Variants in MRPS5 observed in about 807,000 individuals in gnomAD.
MRPS5 encodes the protein small ribosomal subunit protein uS5m.
MRPS5 carries 27 observed loss-of-function variants against 51.9 expected under a neutral mutation model. That is an observed-to-expected ratio of 0.52 (90% CI 0.38 to 0.72). The LOEUF (loss-of-function observed/expected upper bound fraction) is 0.72. Among genes scored for constraint, MRPS5 ranks in the 30% least tolerant of loss-of-function variants. The probability of loss-of-function intolerance (pLI) is 0.00; values close to 1 mark genes in which losing one functional copy is unlikely to be tolerated. For missense variants in MRPS5, 570 were observed against 545.7 expected (o/e 1.04, Z -0.44); for synonymous variants, 196 against 193.2 (o/e 1.01, Z -0.12).
chr2:95,115,232 T>C, intron 2 of MRPS5, 29 bp from the exon 3 acceptor site: 2 of 1,519,954 alleles, frequency 1.3e-6, no homozygotes, highest in Middle Eastern at 1.8e-4. Flanking sequence ...AACTTTGAGT[T>C]AGATGTTTCA....
chr2:95,120,137 C>T (rs1177672669), intron 1 of MRPS5, among the ~76,000 whole-genome samples: 1 of 152,218 alleles, frequency 6.6e-6, no homozygotes, highest in Non-Finnish European at 1.5e-5. Flanking sequence ...TAAAAATATA[C>T]TTACAAAAAC....
At chr2:95,111,750 A>G (rs1676126389) in intron 3 of MRPS5, among the ~76,000 whole-genome samples, 2 of 152,222 alleles carry the variant, frequency 1.3e-5, no homozygotes, top group Admixed American at 6.5e-5. Flanking sequence ...TTATGCATGC[A>G]TACATAGTAT....
In MRPS5 at chr2:95,106,404, T is replaced by C. The variant is rs1675950815; in HGVS notation, c.672+19A>G. On this transcript the variant is annotated intron_variant, in intron 6 of 11. Transcript: ENST00000272418. ...ACCTCTCCAAAGGCTTAACCAGGTA[T>C]TTAATTCTGCATGCCTACCTCAAGT... 6.5e-7 allele frequency: 1 copy of C among 1,544,438 alleles called. No homozygotes were observed.
At chr2:95,090,176 CAAAAAAAAAAA>C (rs35901146) in intron 11 of MRPS5, among the ~76,000 whole-genome samples, 199 bp downstream of exon 11, 12 of 43,534 alleles carry the variant, frequency 2.8e-4, no homozygotes, top group Admixed American at 1.0e-3. Context: ...GACTCCGTCT[CAAAAAAAAAAA>C]AAAAAAAAAA....
chr2:95,088,849 A>C (rs1675375143), intron 11 of MRPS5, among the ~76,000 whole-genome samples: 1 of 152,224 alleles, frequency 6.6e-6, no homozygotes, highest in Non-Finnish European at 1.5e-5. Flanking sequence ...CGGGTGGATC[A>C]CGAGGTCAGG....
intron 2 of MRPS5, among the ~76,000 whole-genome samples, chr2:95,116,180 A>G (rs1676281155): frequency 6.6e-6 from 1 of 151,986 alleles, no homozygotes; most frequent in East Asian, 1.9e-4. Context: ...CTGGGATTAC[A>G]GCTATGAGCC....
chr2:95,090,514 G>C lies in MRPS5; in HGVS notation c.940C>G (p.Leu314Val). The C allele has an allele frequency of 1.2e-6, 2 of 1,614,054 alleles. No homozygotes were observed. Among genetic ancestry groups the C allele is most frequent in the Non-Finnish European group, 8.5e-7 (1 of 1,179,988 alleles). ...KMKKQPKGYGLRCHRAIITIC... is the reference protein window; with the variant it reads ...KMKKQPKGYGVRCHRAIITIC... The stretch of plus-strand genomic sequence containing the variant: ...GTGATGATGGCCCTGTGGCAGCGGA[G>C]GCCGTAACCTAGAAAAGGAGAAACC... The change falls in exon 11 of 12, where the codon CTC becomes GTC. Residue 314 changes from leucine to valine, a missense_variant. Leu to Val is a conservative substitution (Grantham distance 32). Transcript: ENST00000272418.
intron 3 of MRPS5, among the ~76,000 whole-genome samples, chr2:95,114,779 A>G (rs1381245110): frequency 1.3e-5 from 2 of 152,176 alleles, no homozygotes; most frequent in African/African-American, 4.8e-5. Flanking sequence ...ACATGAGTAT[A>G]TTCTTGGTGT....
intron 11 of MRPS5, 72 bp from the exon 12 acceptor site, chr2:95,087,653 A>G: frequency 7.8e-7 from 1 of 1,287,712 alleles, no homozygotes; most frequent in Non-Finnish European, 1.1e-6. Flanking sequence ...GAACTTCCAC[A>G]GGCCACAACA....
At chr2:95,100,693 TAGG>T (rs1558679916) in intron 9 of MRPS5, 141 bp downstream of exon 9, 6 of 884,390 alleles carry the variant, frequency 6.8e-6, no homozygotes, top group Non-Finnish European at 1.0e-5. Flanking sequence ...GTAACCTTCT[TAGG>T]AGATTTGTTT....
chr2:95,089,504 G>T (rs1318347463), intron 11 of MRPS5, among the ~76,000 whole-genome samples: 1 of 152,216 alleles, frequency 6.6e-6, no homozygotes, highest in Non-Finnish European at 1.5e-5. Flanking sequence ...AGCTGCCCAA[G>T]AATGGGGGCC....
intron 5 of MRPS5, among the ~76,000 whole-genome samples, chr2:95,107,490 C>T (rs1675984078): frequency 6.6e-6 from 1 of 152,134 alleles, no homozygotes; most frequent in Admixed American, 6.6e-5. Flanking sequence ...GGATTTTGTT[C>T]TCTCCCTTCC....
chr2:95,096,142 TTGAATCGC>T (rs1489610665), intron 10 of MRPS5, among the ~76,000 whole-genome samples: 1 of 152,174 alleles, frequency 6.6e-6, no homozygotes, highest in East Asian at 1.9e-4. Context: ...CAGGAAGAAG[TTGAATCGC>T]TGAATAGACC....
chr2:95,095,095 C>T (rs1241358002), intron 10 of MRPS5, among the ~76,000 whole-genome samples: 1 of 152,172 alleles, frequency 6.6e-6, no homozygotes, highest in Non-Finnish European at 1.5e-5. Flanking sequence ...TCTGATAAAA[C>T]AGACTTTAAA....
rs778442597 is a variant in MRPS5 at position 95,100,532 on chromosome 2, G to A, written c.873C>T (p.Phe291=). 1 of 1,603,792 alleles carries A rather than the reference G, an allele frequency of 6.2e-7. No homozygotes were observed. Among genetic ancestry groups the A allele is most frequent in the Admixed American group, 1.7e-5 (1 of 59,852 alleles). The change falls in exon 10 of 12, where the codon TTC becomes TTT. Residue 291 remains phenylalanine (F), a synonymous_variant. Coordinates refer to ENST00000272418, the MANE Select transcript of MRPS5 (RefSeq NM_031902.5). ...TTTTAAATCTTAATGAAATATCATG[G>A]AATACTGGAGGGTAAAAACATAAAC... ...YIERYEDHTI[F]HDISLRFKRT... is the part of the protein sequence containing the mutation.
intron 1 of MRPS5, 24 bp from the exon 2 acceptor site, chr2:95,117,969 T>G (rs1420422219): frequency 2.6e-6 from 4 of 1,530,808 alleles, no homozygotes; most frequent in Non-Finnish European, 2.7e-6. Context: ...AAAAAAAAAT[T>G]TAAGATACAT....
chr2:95,098,881 T>C (rs567545142), intron 10 of MRPS5, among the ~76,000 whole-genome samples: 1 of 150,790 alleles, frequency 6.6e-6, no homozygotes, highest in Non-Finnish European at 1.5e-5. Context: ...CATAAACATA[T>C]GGGGACCTTG....
chr2:95,095,999 AAAAATCACCACC>A (rs1675613946), intron 10 of MRPS5, among the ~76,000 whole-genome samples: 1 of 151,356 alleles, frequency 6.6e-6, no homozygotes, highest in Non-Finnish European at 1.5e-5. Flanking sequence ...AGATGCAATA[AAAAATCACCACC>A]AATCCCACAG....
At position 95,096,954 on chromosome 2, in the gene MRPS5, C is replaced by G. The variant is rs184549870; in HGVS notation, c.931+3520G>C. Among the ~76,000 whole-genome samples, 108 of 152,256 alleles carry G rather than the reference C, an allele frequency of 7.1e-4. 4 individuals are homozygous for G. Among genetic ancestry groups the G allele is most frequent in the Admixed American group, 6.8e-3 (104 of 15,296 alleles). On this transcript the variant is annotated intron_variant, in intron 10 of 11. Coordinates refer to ENST00000272418, the MANE Select transcript of MRPS5 (RefSeq NM_031902.5). Reference sequence around the variant, plus strand: ...TTTAGAAAACCCCATCGTCTCAGCCCAAAATCTCCTTAAGCTGATAAGTAA... The same window carrying G: ...TTTAGAAAACCCCATCGTCTCAGCCGAAAATCTCCTTAAGCTGATAAGTAA...
Sources: gnomAD v4.1 joint callset for allele counts (sites outside exome capture counted in the v4.1 genomes callset) on GRCh38, gnomAD v4.1.1 for gene constraint, MANE v1.5 for transcripts, NCBI Gene and HGNC (gene_info 2026-07-23, HGNC 2026-07-21) for gene names.